Variants in CHODL observed in about 807,000 individuals in gnomAD.
CHODL encodes the protein transmembrane protein MT75.
CHODL carries 29 observed loss-of-function variants against 34.5 expected under a neutral mutation model. The observed-to-expected ratio is 0.84, with a 90% CI of 0.63 to 1.15. The LOEUF is 1.15. Among genes scored for constraint, CHODL ranks in the 50% most tolerant of loss-of-function variants. CHODL has a pLI of 0.00. For synonymous variants in CHODL, 125 were observed against 116.1 expected (o/e 1.08, Z -0.49); for missense variants, 332 against 332.5 (o/e 1.00, Z 0.01).
chr21:17,936,133 T>C (rs1423754963), intron 1 of CHODL, among the ~76,000 whole-genome samples: 1 of 152,178 alleles, frequency 6.6e-6, no homozygotes, highest in Non-Finnish European at 1.5e-5. Context: ...GTGGAACTTA[T>C]TAATGTAGCA....
chr21:18,119,791 G>C (rs528792972), intron 2 of CHODL, among the ~76,000 whole-genome samples: 9 of 152,132 alleles, frequency 5.9e-5, no homozygotes, highest in Admixed American at 3.9e-4. Flanking sequence ...AGCATTGGAA[G>C]GAACCTCAAG....
At chr21:18,204,515 T>C (rs2073690833) in intron 2 of CHODL, among the ~76,000 whole-genome samples, 1 of 152,150 alleles carries the variant, frequency 6.6e-6, no homozygotes, top group Admixed American at 6.5e-5. Flanking sequence ...CCTATAACCT[T>C]GTTTTCAAAT....
At chr21:18,244,234 C>T (rs1318462495), upstream of CHODL, among the ~76,000 whole-genome samples, 3 of 152,190 alleles carry the variant, frequency 2.0e-5, no homozygotes, top group East Asian at 1.9e-4. Context: ...TTTGTGTTGA[C>T]GGTTTTCTCT....
At chr21:18,017,286 C>T (rs158058) in intron 1 of CHODL, among the ~76,000 whole-genome samples, 1 of 151,986 alleles carries the variant, frequency 6.6e-6, no homozygotes, top group African/African-American at 2.4e-5. Context: ...GGTGGGGCCT[C>T]GTGGGAGGTA....
At chr21:18,128,090 G>A (rs924294337) in intron 2 of CHODL, among the ~76,000 whole-genome samples, 1 of 151,644 alleles carries the variant, frequency 6.6e-6, no homozygotes, top group African/African-American at 2.4e-5. Context: ...CACGAGGTCA[G>A]GATATCGAGA....
chr21:18,069,902 A>C (rs1164261543), intron 2 of CHODL, among the ~76,000 whole-genome samples: 2 of 150,950 alleles, frequency 1.3e-5, no homozygotes, highest in Admixed American at 6.6e-5. Context: ...GAGCCTCTGC[A>C]CCAGCCCAAA....
chr21:17,978,792 G>A (rs2063691576), intron 1 of CHODL, among the ~76,000 whole-genome samples: 1 of 151,760 alleles, frequency 6.6e-6, no homozygotes, highest in Non-Finnish European at 1.5e-5. Flanking sequence ...CTTAATGGGG[G>A]GCTCTGGGAA....
chr21:17,927,359 C>T (rs1453530482), intron 1 of CHODL, among the ~76,000 whole-genome samples: 1 of 151,916 alleles, frequency 6.6e-6, no homozygotes, highest in Non-Finnish European at 1.5e-5. Flanking sequence ...TTGTCTTTAG[C>T]GCTTATAACA....
At chr21:18,167,309 A>ATT (rs71318131) in intron 2 of CHODL, among the ~76,000 whole-genome samples, 21 of 103,054 alleles carry the variant, frequency 2.0e-4, no homozygotes, top group African/African-American at 5.1e-4. Flanking sequence ...TTCTATTAAG[A>ATT]TTTTTTTTTT....
At chr21:18,133,756 A>T (rs1457720761) in intron 2 of CHODL, among the ~76,000 whole-genome samples, 1 of 152,192 alleles carries the variant, frequency 6.6e-6, no homozygotes, top group Non-Finnish European at 1.5e-5. Context: ...ATGTGTAAGC[A>T]TCACTCTGTA....
At chr21:18,232,916 T>C (rs976376161) in intron 2 of CHODL, among the ~76,000 whole-genome samples, 1 of 139,622 alleles carries the variant, frequency 7.2e-6, no homozygotes, top group Non-Finnish European at 1.5e-5. Context: ...ATGGTCCATA[T>C]AATTATGGGG....
intron 2 of CHODL, among the ~76,000 whole-genome samples, chr21:18,128,295 T>TCAAAAAAAAAAAAAAAA (rs2072603410): frequency 4.1e-5 from 1 of 24,608 alleles, no homozygotes; most frequent in Non-Finnish European, 7.1e-5. Context: ...AGCAAGAGTC[T>TCAAAAAAAAAAAAAAAA]CAAAAAAAAA....
At chr21:17,964,061 T>C (rs1315483044) in intron 1 of CHODL, among the ~76,000 whole-genome samples, 1 of 152,210 alleles carries the variant, frequency 6.6e-6, no homozygotes, top group East Asian at 1.9e-4. Context: ...TGTGAAACTA[T>C]TTAATCAAGA....
At chr21:18,061,897 G>A (rs154743) in intron 2 of CHODL, among the ~76,000 whole-genome samples, 129,355 of 152,226 alleles carry the variant, frequency 0.85, 55,233 homozygotes, top group East Asian at 1. Context: ...CTGAAACAAT[G>A]AAAATGACAA....
At chr21:18,099,726 T>C (rs997982984) in intron 2 of CHODL, among the ~76,000 whole-genome samples, 2 of 152,102 alleles carry the variant, frequency 1.3e-5, no homozygotes, top group Non-Finnish European at 1.5e-5. Flanking sequence ...AATAAACATA[T>C]GTATATTTTT....
chr21:17,938,708 G>A (rs954315855), intron 1 of CHODL, among the ~76,000 whole-genome samples: 1 of 151,994 alleles, frequency 6.6e-6, no homozygotes, highest in African/African-American at 2.4e-5. Flanking sequence ...TCGATCTCCT[G>A]ACCTCGTGAT....
chr21:18,085,377 G>A (rs1219117559), intron 2 of CHODL, among the ~76,000 whole-genome samples: 1 of 151,718 alleles, frequency 6.6e-6, no homozygotes, highest in Non-Finnish European at 1.5e-5. Context: ...CTGTCTTTTT[G>A]TCTTTGTGGT....
chr21:18,010,561 T>G (rs1476605949), intron 1 of CHODL, among the ~76,000 whole-genome samples: 1 of 152,184 alleles, frequency 6.6e-6, no homozygotes, highest in Non-Finnish European at 1.5e-5. Context: ...TTTTACAAAT[T>G]TGTTTTATTT....
intron 2 of CHODL, among the ~76,000 whole-genome samples, chr21:18,106,382 C>T (rs911119621): frequency 3.9e-5 from 6 of 152,146 alleles, no homozygotes; most frequent in South Asian, 2.1e-4. Flanking sequence ...GGCCCTTGGT[C>T]GGTCACCAAA....
Sources: gnomAD v4.1 joint callset for allele counts (sites outside exome capture counted in the v4.1 genomes callset) on GRCh38, gnomAD v4.1.1 for gene constraint, MANE v1.5 for transcripts, NCBI Gene and HGNC (gene_info 2026-07-23, HGNC 2026-07-21) for gene names.